The following RAD18 variants were observed in gnomAD, a reference collection of about 807,000 sequenced individuals.
The protein encoded by RAD18 is RAD18 E3 ubiquitin protein ligase.
In RAD18, 47 loss-of-function variants were observed where a neutral mutation model predicts 60.4. The ratio of observed to expected loss-of-function variants is 0.78; its 90% CI spans 0.62 to 0.99. The LOEUF (loss-of-function observed/expected upper bound fraction) is 0.99. RAD18 is among the 50% of genes least tolerant of loss of function. The probability of loss-of-function intolerance (pLI) is 0.00; values close to 1 mark genes in which losing one functional copy is unlikely to be tolerated. For missense variants in RAD18, 640 were observed against 593.3 expected, an observed-to-expected ratio of 1.08 and a Z score of -0.82; for synonymous variants, 225 against 195.5, an observed-to-expected ratio of 1.15 and a Z score of -1.26.
At chr3:8,943,167 G>A (rs921389890) in intron 4 of RAD18, among the ~76,000 whole-genome samples, 1 of 152,108 alleles carries the variant, frequency 6.6e-6, no homozygotes, top group Admixed American at 6.5e-5. Flanking sequence ...CTTCTACAAC[G>A]TTTCAACCAC....
In RAD18 at chr3:8,878,041, A is replaced by G. The variant is rs1170435565; in HGVS notation, c.*3316T>C. ...TGGCAGGTTTGCATCTTGGGGCTATATCGGGGATGGCGTCCTAGGCAAGGT... is the reference window on the plus strand; with the variant it reads ...TGGCAGGTTTGCATCTTGGGGCTATGTCGGGGATGGCGTCCTAGGCAAGGT... On this transcript the variant is annotated 3_prime_UTR_variant, in exon 13 of 13. Transcript: ENST00000264926. 4 of 152,494 alleles carry G rather than the reference A, an allele frequency of 2.6e-5. No individual in the cohort carries two copies. Among genetic ancestry groups the G allele is most frequent in the African/African-American group, 9.6e-5 (4 of 41,458 alleles). The allele number at this position is 152,494 out of a possible 1,614,324, so 9.4% of individuals were successfully genotyped here. A position where few individuals can be genotyped will look rare whatever the true frequency, so the allele number is the denominator to read the frequency against.
At chr3:8,912,269 CAACTGAAGCTCTT>C in intron 9 of RAD18, 30 bp downstream of exon 9, 1 of 1,365,048 alleles carries the variant, frequency 7.3e-7, no homozygotes, top group Non-Finnish European at 1.0e-6. Context: ...TGAAAAACAG[CAACTGAAGCTCTT>C]TACAAATTAA....
In RAD18 at chr3:8,939,614, T is replaced by C. The variant is rs1461380646; in HGVS notation, c.644A>G (p.His215Arg). 3.1e-6 allele frequency: 5 copies of C among 1,613,184 alleles called. No homozygotes were observed. The East Asian group carries it at 8.9e-5, about 29-fold the overall frequency. ...PVCGVNIPES[H>R]INKHLDSCLS... ...ACAGCTGTCTAAATGCTTATTAATGTGACTTTCTGGAATGTTAACCCCGCA... is the reference window on the plus strand; with the variant it reads ...ACAGCTGTCTAAATGCTTATTAATGCGACTTTCTGGAATGTTAACCCCGCA... Residue 215 changes from histidine (H) to arginine (R), a missense_variant, in exon 6 of 13, where the codon CAC (histidine) becomes CGC (arginine). His to Arg is a conservative substitution (Grantham distance 29). Coordinates refer to ENST00000264926, the MANE Select transcript of RAD18 (RefSeq NM_020165.4).
At chr3:8,950,016 G>GT (rs45533838) in intron 2 of RAD18, among the ~76,000 whole-genome samples, 1,669 of 151,958 alleles carry the variant, frequency 0.011, 17 homozygotes, top group Non-Finnish European at 0.016. Flanking sequence ...AGAGTAGTCT[G>GT]TTTTTTTTGT....
chr3:8,899,438 C>G (rs1291710359), intron 10 of RAD18, among the ~76,000 whole-genome samples: 1 of 152,100 alleles, frequency 6.6e-6, no homozygotes, highest in African/African-American at 2.4e-5. Flanking sequence ...AATAAGACAA[C>G]CACAATATTT....
intron 7 of RAD18, among the ~76,000 whole-genome samples, chr3:8,934,524 A>C (rs989740961): frequency 1.3e-5 from 2 of 152,244 alleles, no homozygotes; most frequent in Non-Finnish European, 2.9e-5. Flanking sequence ...ATGCAAATTA[A>C]AATAACAAGG....
chr3:8,917,299 T>G (rs991767261), intron 7 of RAD18, among the ~76,000 whole-genome samples: 1 of 152,122 alleles, frequency 6.6e-6, no homozygotes. Flanking sequence ...TTACAAAAAG[T>G]ATTAAAACAA....
intron 9 of RAD18, among the ~76,000 whole-genome samples, chr3:8,910,472 C>T (rs1433341415): frequency 6.6e-6 from 1 of 151,974 alleles, no homozygotes; most frequent in African/African-American, 2.4e-5. Context: ...TGGTGGCAGG[C>T]GCCTGTACTC....
At chr3:8,917,730 G>T (rs1038886098) in intron 7 of RAD18, among the ~76,000 whole-genome samples, 1 of 151,624 alleles carries the variant, frequency 6.6e-6, no homozygotes, top group East Asian at 1.9e-4. Flanking sequence ...AAAAGGAGAC[G>T]GAACAAAGGA....
At chr3:8,902,862 A>G (rs970549952) in intron 9 of RAD18, among the ~76,000 whole-genome samples, 2 of 152,076 alleles carry the variant, frequency 1.3e-5, no homozygotes, top group Non-Finnish European at 2.9e-5. Flanking sequence ...TATCTCTACT[A>G]AAAGTACAAA....
chr3:8,948,458 G>A (rs1389088869), intron 3 of RAD18, 51 bp downstream of exon 3: 4 of 1,496,760 alleles, frequency 2.7e-6, no homozygotes, highest in Non-Finnish European at 3.7e-6. Flanking sequence ...ACACAAAGCA[G>A]AAATATTTGC....
chr3:8,895,295 T>C (rs1302180239), intron 11 of RAD18, among the ~76,000 whole-genome samples: 1 of 152,216 alleles, frequency 6.6e-6, no homozygotes, highest in African/African-American at 2.4e-5. Flanking sequence ...CACATTTAAG[T>C]TATAAAATGA....
chr3:8,944,819 G>C (rs982699583), intron 4 of RAD18, among the ~76,000 whole-genome samples: 1 of 152,150 alleles, frequency 6.6e-6, no homozygotes, highest in Non-Finnish European at 1.5e-5. Context: ...CAATTCCATG[G>C]ACTTCTGTAA....
At position 8,957,364 on chromosome 3, in the gene RAD18, T is replaced by TA. The variant is rs371826285; in HGVS notation, c.133+1555dup. ...AAATGCATTTAAAATGCAACGATCC[T>TA]AAAAAAAACGAAGAAAAAAAAGTTG... On this transcript the variant is annotated intron_variant, in intron 2 of 12. Coordinates refer to ENST00000264926, the MANE Select transcript of RAD18 (RefSeq NM_020165.4). Among the ~76,000 whole-genome samples the TA allele has an allele frequency of 2.5e-3, 380 of 151,700 alleles. 2 individuals carry two copies. The highest frequency in any genetic ancestry group is 7.2e-3 in the African/African-American group (298 of 41,328).
intron 7 of RAD18, among the ~76,000 whole-genome samples, chr3:8,920,278 C>CAAAAAAA (rs60504682): frequency 1.0e-3 from 71 of 69,514 alleles, no homozygotes; most frequent in African/African-American, 1.8e-3. Context: ...GACTCCGTCT[C>CAAAAAAA]AAAAAAAAAA....
intron 7 of RAD18, among the ~76,000 whole-genome samples, chr3:8,932,690 T>C (rs1024228681): frequency 6.6e-6 from 1 of 152,182 alleles, no homozygotes; most frequent in Non-Finnish European, 1.5e-5. Context: ...CCCATGTTCA[T>C]AACAGCTTTA....
chr3:8,911,204 C>A (rs541287527), intron 9 of RAD18, among the ~76,000 whole-genome samples: 4 of 152,282 alleles, frequency 2.6e-5, no homozygotes, highest in Admixed American at 6.5e-5. Context: ...TAAAGTTACA[C>A]TTTTTAGATA....
intron 2 of RAD18, 109 bp from the exon 3 acceptor site, chr3:8,948,679 T>C: frequency 2.3e-6 from 2 of 873,158 alleles, no homozygotes; most frequent in South Asian, 1.8e-5. Context: ...ATCTAAGGTA[T>C]ATCATCATAA....
intron 7 of RAD18, among the ~76,000 whole-genome samples, chr3:8,924,770 T>A (rs1301613974): frequency 6.9e-6 from 1 of 145,488 alleles, no homozygotes; most frequent in East Asian, 1.9e-4. Context: ...TCAAAACCGC[T>A]CAACTACATG....
Sources: allele counts gnomAD v4.1 joint callset (sites outside exome capture counted in the v4.1 genomes callset), GRCh38; gene constraint gnomAD v4.1.1; transcripts MANE v1.5; gene names NCBI Gene and HGNC (gene_info 2026-07-23, HGNC 2026-07-21).